ZNF283: variants seen among roughly 807,000 people sequenced by gnomAD.
ZNF283 encodes the protein zinc finger protein 283.
Under a neutral mutation model 9.2 loss-of-function variants are expected in ZNF283, and 10 were observed. The ratio of observed to expected loss-of-function variants is 1.09; its 90% CI spans 0.67 to 1.85. The LOEUF is 1.85. ZNF283 is among the 40% of genes most tolerant of loss of function. ZNF283 has a pLI of 0.00. For missense variants in ZNF283, 631 were observed against 760.1 expected, an observed-to-expected ratio of 0.83 and a Z score of 2.00; for synonymous variants, 234 against 244.1, an observed-to-expected ratio of 0.96 and a Z score of 0.38.
At chr19:43,838,219 T>C (rs1260100016) in intron 6 of ZNF283, 3 of 152,238 alleles carry the variant, frequency 2.0e-5, no homozygotes, top group Admixed American at 6.5e-5. Context: ...TCATTACTCA[T>C]GTTATTCACT....
chr19:43,837,528 C>A, intron 6 of ZNF283: 4 of 353,054 alleles, frequency 1.1e-5, no homozygotes, highest in Non-Finnish European at 2.0e-5. Context: ...TCCTGGCCAG[C>A]CTTGTGCTGA....
chr19:43,838,158 T>C (rs1280018477), intron 6 of ZNF283: 1 of 152,240 alleles, frequency 6.6e-6, no homozygotes, highest in Non-Finnish European at 1.5e-5. Flanking sequence ...TATCACAGAA[T>C]TGATGCTGCG....
At chr19:43,831,114 C>G (rs1970690107) in intron 2 of ZNF283, among the ~76,000 whole-genome samples, 1 of 152,012 alleles carries the variant, frequency 6.6e-6, no homozygotes, top group Non-Finnish European at 1.5e-5. Context: ...TGTGTCAATC[C>G]CATCTGATAA....
At chr19:43,834,827 C>A (rs984552723) in intron 4 of ZNF283, among the ~76,000 whole-genome samples, 2 of 152,076 alleles carry the variant, frequency 1.3e-5, no homozygotes, top group Non-Finnish European at 2.9e-5. Flanking sequence ...ATCTCCTGAC[C>A]TCATAATCCA....
chr19:43,837,541 A>ATGTG (rs1362291219), intron 6 of ZNF283: 19 of 337,746 alleles, frequency 5.6e-5, no homozygotes, highest in African/African-American at 4.0e-4. Context: ...TGTGCTGAGC[A>ATGTG]CTGTCAATTG....
chr19:43,846,307 TAATA>T (rs1452667990), intron 6 of ZNF283, among the ~76,000 whole-genome samples: 10 of 152,228 alleles, frequency 6.6e-5, no homozygotes, highest in Non-Finnish European at 1.3e-4. Flanking sequence ...AAATTCTGGC[TAATA>T]AATCTAAGTA....
chr19:43,831,374 G>A lies in ZNF283; in HGVS notation c.-8G>A, dbSNP rs1225065459. On this transcript the variant is annotated 5_prime_UTR_variant, in exon 3 of 7. Coordinates refer to ENST00000618787, the MANE Select transcript of ZNF283 (RefSeq NM_181845.2). ...ATTGAATAACAGCTACAGGATGTTC[G>A]AGAGCTGGTAGGTGTAAATTGTTTC... 9 of 1,594,868 alleles carry A rather than the reference G, an allele frequency of 5.6e-6. No individual in the cohort carries two copies. In the East Asian group the frequency reaches 1.1e-4, roughly 20 times the overall value.
At chr19:43,844,689 T>C (rs1314851886) in intron 6 of ZNF283, among the ~76,000 whole-genome samples, 1 of 152,138 alleles carries the variant, frequency 6.6e-6, no homozygotes, top group African/African-American at 2.4e-5. Flanking sequence ...CATCATTTAA[T>C]AGCTCAACCA....
In ZNF283 at chr19:43,833,595, T is replaced by C. The variant is rs575952993; in HGVS notation, c.91T>C (p.Cys31Arg). Residue 31 changes from cysteine (C) to arginine (R), a missense_variant, in exon 4 of 7, where the codon TGC (cysteine) becomes CGC (arginine). Cys to Arg is a radical substitution (Grantham distance 180). Coordinates refer to ENST00000618787, the MANE Select transcript of ZNF283 (RefSeq NM_181845.2). ...APPPGFTLFS[C>R]LSLLSSWDYS... The stretch of plus-strand genomic sequence containing the variant: ...GCCTCCTGGGTTCACGCTATTCTCC[T>C]GCCTCAGCCTCCTGAGTAGCTGGGA... 6.1e-6 allele frequency: 1 copy of C among 164,332 alleles called. No individual in the cohort carries two copies. The highest frequency in any genetic ancestry group is 1.2e-4 in the South Asian group (1 of 8,058). 10.2% of individuals were successfully genotyped at this position (164,332 alleles called of 1,614,324 possible). A position where few individuals can be genotyped will look rare whatever the true frequency, so the allele number is the denominator to read the frequency against.
At position 43,847,179 on chromosome 19, in the gene ZNF283, C is replaced by A. The variant is rs1971435639; in HGVS notation, c.578C>A (p.Ser193Tyr). ...EKIPSYRKSK[S>Y]LTPHQRIHNT... ...ATACCTTCTTACAGAAAAAGTAAAT[C>A]TCTTACTCCACATCAAAGAATTCAT... is the stretch of plus-strand genomic sequence containing the variant. Residue 193 changes from serine to tyrosine, a missense_variant, in exon 7 of 7, where the codon TCT becomes TAT. By Grantham distance (144) the Ser-to-Tyr change is moderately radical. Transcript: ENST00000618787. The A allele has an allele frequency of 1.9e-6, 3 of 1,613,718 alleles. No individual in the cohort carries two copies. Among genetic ancestry groups the A allele is most frequent in the Non-Finnish European group, 2.5e-6 (3 of 1,179,744 alleles).
Position 43,848,224 on chromosome 19 carries a change from ACCC to A in ZNF283, c.1624_1626del (p.Pro542del). ...ATGAAAGAATCCATACAGGGGAGAA[ACCC>A]TATGAATGTAAAGAATGTGGGAAGG... On this transcript the variant is annotated inframe_deletion, in exon 7 of 7. Coordinates refer to ENST00000618787, the MANE Select transcript of ZNF283 (RefSeq NM_181845.2). 6.2e-7 allele frequency: 1 copy of A among 1,613,404 alleles called. No individual in the cohort carries two copies. The highest frequency in any genetic ancestry group is 8.5e-7 in the Non-Finnish European group (1 of 1,179,846).
At position 43,850,167 on chromosome 19, in the gene ZNF283, G is replaced by T. The variant is rs1034993684; in HGVS notation, c.*1526G>T. 9.9e-5 allele frequency: 15 copies of T among 152,128 alleles called. No individual in the cohort carries two copies. Among genetic ancestry groups the T allele is most frequent in the African/African-American group, 3.1e-4 (13 of 41,422 alleles). 9.4% of individuals were successfully genotyped at this position (152,128 alleles called of 1,614,324 possible). On this transcript the variant is annotated 3_prime_UTR_variant, in exon 7 of 7. Coordinates refer to ENST00000618787, the MANE Select transcript of ZNF283 (RefSeq NM_181845.2). ...CATTCCTCATGGTGAAATTTGATAT[G>T]GGCCTCTCCTTCACATTTCTCGTAA...
rs972101576 is a variant in ZNF283 at position 43,836,941 on chromosome 19, C to T, written c.211-112C>T. 5.6e-5 allele frequency: 68 copies of T among 1,207,398 alleles called. No individual in the cohort carries two copies. In the Middle Eastern group the frequency reaches 6.0e-4, roughly 11 times the overall value. 74.8% of individuals were successfully genotyped at this position (1,207,398 alleles called of 1,614,324 possible). On this transcript the variant is annotated intron_variant, in intron 5 of 6. Coordinates refer to ENST00000618787, the MANE Select transcript of ZNF283 (RefSeq NM_181845.2). The stretch of plus-strand genomic sequence containing the variant: ...ACCTATATCAGAGGCTTTCAGCCTA[C>T]TCGATTGTTATATTTCTCCCCCTCT...
intron 6 of ZNF283, 108 bp from the exon 7 acceptor site, chr19:43,846,831 G>A (rs963953899): frequency 1.2e-6 from 1 of 842,020 alleles, no homozygotes. Context: ...TAATGCCAAG[G>A]AGTGAGTTCA....
chr19:43,831,501 A>G (rs1970708156), intron 3 of ZNF283, 120 bp downstream of exon 3: 1 of 821,294 alleles, frequency 1.2e-6, no homozygotes, highest in Non-Finnish European at 1.9e-6. Context: ...AAATGTCTTT[A>G]TAGTTCCAAT....
chr19:43,836,410 C>T (rs556487224), intron 5 of ZNF283, among the ~76,000 whole-genome samples: 45 of 152,310 alleles, frequency 3.0e-4, no homozygotes, highest in African/African-American at 9.4e-4. Flanking sequence ...GGCACAATCT[C>T]GGCTCACTGC....
At chr19:43,830,381 C>T (rs949326926) in intron 2 of ZNF283, among the ~76,000 whole-genome samples, 5 of 151,584 alleles carry the variant, frequency 3.3e-5, no homozygotes, top group African/African-American at 7.3e-5. Context: ...CCCAGCCTTA[C>T]GACAGGAAGT....
chr19:43,846,299 ATT>A (rs1011193882), intron 6 of ZNF283, among the ~76,000 whole-genome samples: 1 of 152,224 alleles, frequency 6.6e-6, no homozygotes, highest in Non-Finnish European at 1.5e-5. Flanking sequence ...TTTTATAAAA[ATT>A]CTGGCTAATA....
chr19:43,848,878 T>C lies in ZNF283; in HGVS notation c.*237T>C. 1 of 339,804 alleles carries C rather than the reference T, an allele frequency of 2.9e-6. No individual in the cohort carries two copies. The highest frequency in any genetic ancestry group is 4.3e-5 in the East Asian group (1 of 23,510). 21.0% of individuals were successfully genotyped at this position (339,804 alleles called of 1,614,324 possible). A position where few individuals can be genotyped will look rare whatever the true frequency, so the allele number is the denominator to read the frequency against. ...CTTATTGGATATCAATTTATACTGA[T>C]GTAAAATCATTTAAATGTAAGGAAT... On this transcript the variant is annotated 3_prime_UTR_variant, in exon 7 of 7. Coordinates refer to ENST00000618787, the MANE Select transcript of ZNF283 (RefSeq NM_181845.2).
Sources: gnomAD v4.1 joint callset for allele counts (sites outside exome capture counted in the v4.1 genomes callset) on GRCh38, gnomAD v4.1.1 for gene constraint, MANE v1.5 for transcripts, NCBI Gene and HGNC (gene_info 2026-07-23, HGNC 2026-07-21) for gene names.